HDX: variants seen among roughly 807,000 people sequenced by gnomAD.
HDX encodes chromosome X open reading frame 43.
HDX carries 19 observed loss-of-function variants against 45.2 expected under a neutral mutation model. That is an observed-to-expected ratio of 0.42 (90% CI 0.29 to 0.62). HDX has a LOEUF of 0.62. Among genes scored for constraint, HDX ranks in the 20% least tolerant of loss-of-function variants. The pLI, the probability that HDX is intolerant of heterozygous loss-of-function variation, is 0.20. For missense variants in HDX, 532 were observed against 493.9 expected (o/e 1.08, Z -0.73); for synonymous variants, 188 against 172.8 (o/e 1.09, Z -0.69).
At chrX:84,461,485 C>G (rs886159962) in intron 4 of HDX, among the ~76,000 whole-genome samples, 1 of 109,728 alleles carries the variant, frequency 9.1e-6, no homozygotes, top group Non-Finnish European at 1.9e-5. Context: ...AAGAATGAAA[C>G]TAGACCCCCA....
At chrX:84,387,398 A>G (rs2038343693) in intron 5 of HDX, among the ~76,000 whole-genome samples, 2 of 111,359 alleles carry the variant, frequency 1.8e-5, no homozygotes, top group South Asian at 7.6e-4. Flanking sequence ...TGCCTCAATG[A>G]TCTGTCTAAC....
chrX:84,351,081 A>G (rs959147957), intron 6 of HDX, among the ~76,000 whole-genome samples: 1 of 109,979 alleles, frequency 9.1e-6, no homozygotes, highest in African/African-American at 3.3e-5. Context: ...GACAGTCACA[A>G]GAGGGTAAAT....
At chrX:84,452,457 G>A (rs887716001) in intron 4 of HDX, among the ~76,000 whole-genome samples, 11 of 103,660 alleles carry the variant, frequency 1.1e-4, no homozygotes, top group Non-Finnish European at 1.8e-4. Context: ...AAGGGCAAAA[G>A]AATTCTACAA....
At chrX:84,408,778 C>A (rs1003469589) in intron 5 of HDX, among the ~76,000 whole-genome samples, 1 of 109,849 alleles carries the variant, frequency 9.1e-6, no homozygotes, top group Non-Finnish European at 1.9e-5. Context: ...CGATCTTCCA[C>A]CTCCTTGGTT....
chrX:84,443,892 C>T (rs2039816347), intron 4 of HDX, among the ~76,000 whole-genome samples: 1 of 111,419 alleles, frequency 9.0e-6, no homozygotes, highest in Admixed American at 9.5e-5. Context: ...TAGAGTGCTA[C>T]AGGAAATAAA....
At position 84,468,911 on chromosome X, in the gene HDX, C is replaced by G; in HGVS notation, c.812G>C (p.Ser271Thr). Residue 271 changes from serine to threonine, a missense_variant, in exon 4 of 11, where the codon AGC (serine) becomes ACC (threonine). Physicochemically the swap from Ser to Thr is moderately conservative, Grantham distance 58 (BLOSUM62 1). Coordinates refer to ENST00000373177, the MANE Select transcript of HDX (RefSeq NM_001177479.2). ...EIREVFSLAV[S>T]DYPQRILGGN... Reference sequence around the variant, plus strand: ...TCCCAGAATTCTCTGGGGGTAATCGCTAACTGCCAATGAAAACACTTCACG... The same window carrying G: ...TCCCAGAATTCTCTGGGGGTAATCGGTAACTGCCAATGAAAACACTTCACG... 14 of 1,211,293 alleles carry G rather than the reference C, an allele frequency of 1.2e-5. No homozygotes were observed. The highest frequency in any genetic ancestry group is 1.7e-5 in the African/African-American group (1 of 57,787).
rs147426177 is a variant in HDX, at chrX:84,394,511, C to T, written c.1306-32899G>A. On this transcript the variant is annotated intron_variant, in intron 5 of 10. Transcript: ENST00000373177. ...AATTTTTATAAATGTATGTTAGGTCCGCTTGGTCTAAAATGCAGTTTCAGT... is the reference window on the plus strand; with the variant it reads ...AATTTTTATAAATGTATGTTAGGTCTGCTTGGTCTAAAATGCAGTTTCAGT... Among the ~76,000 whole-genome samples the T allele has an allele frequency of 7.3e-3, 818 of 111,494 alleles. 9 individuals carry two copies. Among genetic ancestry groups the T allele is most frequent in the African/African-American group, 0.025 (782 of 30,812 alleles).
chrX:84,386,938 GTTA>G (rs1309485541), intron 5 of HDX, among the ~76,000 whole-genome samples: 1 of 110,277 alleles, frequency 9.1e-6, no homozygotes, highest in East Asian at 2.9e-4. Flanking sequence ...GCAAAGTTAG[GTTA>G]TTAATTTGAG....
At chrX:84,455,800 AT>A (rs2040100303) in intron 4 of HDX, among the ~76,000 whole-genome samples, 1 of 112,342 alleles carries the variant, frequency 8.9e-6, no homozygotes. Context: ...AAAGTCAAGG[AT>A]AAAAAAGAAT....
intron 5 of HDX, among the ~76,000 whole-genome samples, chrX:84,414,533 C>A (rs918378312): frequency 4.5e-5 from 5 of 112,014 alleles, no homozygotes; most frequent in African/African-American, 1.3e-4. Context: ...TTTATCCTTT[C>A]ATTTTTCTTT....
intron 4 of HDX, among the ~76,000 whole-genome samples, chrX:84,456,295 A>C (rs371243692): frequency 9.0e-6 from 1 of 111,607 alleles, no homozygotes; most frequent in African/African-American, 3.3e-5. Context: ...TTGTTTATGC[A>C]ATCAATGTTA....
intron 5 of HDX, among the ~76,000 whole-genome samples, chrX:84,398,046 A>C (rs1211810445): frequency 9.1e-6 from 1 of 109,751 alleles, no homozygotes; most frequent in Non-Finnish European, 1.9e-5. Flanking sequence ...CACAGAGAGA[A>C]AGGAAGAGCA....
At chrX:84,441,814 AT>A (rs200594631) in intron 4 of HDX, among the ~76,000 whole-genome samples, 4,687 of 111,109 alleles carry the variant, frequency 0.042, 236 homozygotes, top group African/African-American at 0.14. Flanking sequence ...GGGGCAGGGT[AT>A]TGTGGTAGTT....
intron 5 of HDX, among the ~76,000 whole-genome samples, chrX:84,411,892 A>AC (rs1257128042): frequency 9.0e-6 from 1 of 111,483 alleles, no homozygotes; most frequent in African/African-American, 3.3e-5. Flanking sequence ...TCTTTTTATT[A>AC]CATTGACCCT....
At chrX:84,334,618 C>T (rs1401858549) in intron 8 of HDX, among the ~76,000 whole-genome samples, 1 of 102,168 alleles carries the variant, frequency 9.8e-6, no homozygotes, top group Non-Finnish European at 2.0e-5. Flanking sequence ...GACCAATTAG[C>T]TCCAACCATG....
chrX:84,479,034 A>G (rs191518787), intron 2 of HDX, among the ~76,000 whole-genome samples: 5 of 112,134 alleles, frequency 4.5e-5, no homozygotes, highest in African/African-American at 1.3e-4. Flanking sequence ...ATTTTGGCCA[A>G]CATGTCTGTA....
chrX:84,477,056 A>T (rs964330444), intron 2 of HDX, among the ~76,000 whole-genome samples: 2 of 108,650 alleles, frequency 1.8e-5, no homozygotes, highest in Non-Finnish European at 3.8e-5. Context: ...CATTAAAGCA[A>T]TTTTTTTTTT....
In HDX at chrX:84,318,517, C is replaced by T. The variant is rs1236671187; in HGVS notation, c.*3372G>A. 9.0e-6 allele frequency: 1 copy of T among 110,827 alleles called. No individual in the cohort carries two copies. Among genetic ancestry groups the T allele is most frequent in the African/African-American group, 3.3e-5 (1 of 30,664 alleles). The allele number at this position is 110,827 out of a possible 1,213,427, so 9.1% of individuals were successfully genotyped here. ...TTAAAAAGGATCACAAAATAGTTGT[C>T]TGAGATGAAGAAACTATCCCTTGGA... On this transcript the variant is annotated 3_prime_UTR_variant, in exon 11 of 11. Transcript: ENST00000373177.
chrX:84,331,712 C>G (rs2036845779), intron 9 of HDX, among the ~76,000 whole-genome samples: 1 of 111,657 alleles, frequency 9.0e-6, no homozygotes, highest in Non-Finnish European at 1.9e-5. Flanking sequence ...TTGTAGCCAT[C>G]ATAACATCAT....
Sources: allele counts gnomAD v4.1 joint callset (sites outside exome capture counted in the v4.1 genomes callset), GRCh38; gene constraint gnomAD v4.1.1; transcripts MANE v1.5; gene names NCBI Gene and HGNC (gene_info 2026-07-23, HGNC 2026-07-21).